CUBN: variants seen among roughly 807,000 people sequenced by gnomAD.
The protein encoded by CUBN is 460 kDa receptor.
CUBN carries 282 observed loss-of-function variants against 405.3 expected under a neutral mutation model. The observed-to-expected ratio is 0.70, with a 90% confidence interval of 0.63 to 0.77. The LOEUF is 0.77. Ranked by LOEUF, CUBN falls within the 30% of genes least tolerant of loss-of-function variation. CUBN has a pLI of 0.00. For synonymous variants in CUBN, 1,684 were observed against 1,617.0 expected (o/e 1.04, Z -0.99); for missense variants, 4,514 against 4,475.2 (o/e 1.01, Z -0.25).
intron 27 of CUBN, among the ~76,000 whole-genome samples, chr10:17,032,397 C>T (rs1030800261): frequency 2.0e-5 from 3 of 152,150 alleles, no homozygotes; most frequent in Admixed American, 2.0e-4. Context: ...GACTCCAGAG[C>T]CCACACTGTA....
Position 16,840,434 on chromosome 10 carries a change from T to C in CUBN, c.9928A>G (p.Ile3310Val), listed in dbSNP as rs1001740365. The change falls in exon 62 of 67, where the codon ATT becomes GTT. Residue 3310 changes from isoleucine to valine, a missense_variant. By Grantham distance (29) the Ile-to-Val change is conservative. This residue lies in a region of CUBN where 1,186 missense variants were observed against 1,186.9 expected (regional missense o/e 1.00). Transcript: ENST00000377833. The stretch of plus-strand genomic sequence containing the variant: ...ACCTGCTGATGCGGAGGGGAATCAA[T>C]GACCCAAGTACAGATGGAAAATGGG... Reference protein sequence around the residue: ...DVPFSICTWVIDSPPHQQVKI... With the variant: ...DVPFSICTWVVDSPPHQQVKI... 1.2e-6 allele frequency: 2 copies of C among 1,614,114 alleles called. No homozygotes were observed. The highest frequency in any genetic ancestry group is 1.7e-6 in the Non-Finnish European group (2 of 1,180,012).
In CUBN at chr10:16,869,670, T is replaced by C; in HGVS notation, c.9420A>G (p.Ala3140=). ...LVFKTDSFQT[A]KGWKMSFRQT... ...GCCGGAAAGACATCTTCCAGCCTTTTGCTGTCTGAAATGAATCTGTCTTGA... is the reference window on the plus strand; with the variant it reads ...GCCGGAAAGACATCTTCCAGCCTTTCGCTGTCTGAAATGAATCTGTCTTGA... Residue 3140 remains alanine (A), a synonymous_variant, in exon 59 of 67, where the codon GCA becomes GCG. Coordinates refer to ENST00000377833, the MANE Select transcript of CUBN (RefSeq NM_001081.4). The C allele has an allele frequency of 1.2e-6, 2 of 1,614,002 alleles. No homozygotes were observed. The highest frequency in any genetic ancestry group is 1.7e-6 in the Non-Finnish European group (2 of 1,179,952).
chr10:17,038,643 C>T (rs572202888), intron 27 of CUBN, among the ~76,000 whole-genome samples: 3 of 152,212 alleles, frequency 2.0e-5, no homozygotes, highest in Non-Finnish European at 4.4e-5. Context: ...GCTGAAAAAA[C>T]CCAGAAGCGA....
At chr10:17,008,985 C>T (rs756151500) in intron 28 of CUBN, among the ~76,000 whole-genome samples, 9 of 152,180 alleles carry the variant, frequency 5.9e-5, no homozygotes, top group African/African-American at 1.9e-4. Flanking sequence ...TCAAAAATGG[C>T]GGGACCTCTC....
intron 66 of CUBN, among the ~76,000 whole-genome samples, chr10:16,826,524 T>C (rs12263128): frequency 0.046 from 7,012 of 152,248 alleles, 517 homozygotes; most frequent in African/African-American, 0.16. Flanking sequence ...TTTTACATTT[T>C]TTCATTTATG....
Position 16,933,187 on chromosome 10 carries a change from CCACGTACA to C in CUBN, c.6016_6023del (p.Cys2006AlafsTer19). On this transcript the variant is annotated frameshift_variant, in exon 40 of 67. Coordinates refer to ENST00000377833, the MANE Select transcript of CUBN (RefSeq NM_001081.4). LOFTEE classifies it high-confidence loss of function. ...CGGTAGAGTCGGGAGCCTGGATGAG[CCACGTACA>C]GTCCACTCTATTACTGTAACTGTCA... is the stretch of plus-strand genomic sequence containing the variant. The C allele has an allele frequency of 6.2e-7, 1 of 1,614,030 alleles. No individual in the cohort carries two copies. The highest frequency in any genetic ancestry group is 8.5e-7 in the Non-Finnish European group (1 of 1,179,998).
At chr10:17,065,754 C>T in intron 21 of CUBN, 116 bp from the exon 22 acceptor site, 1 of 1,228,526 alleles carries the variant, frequency 8.1e-7, no homozygotes, top group Non-Finnish European at 1.2e-6. Flanking sequence ...TACCTCTCAT[C>T]AACCTTAAAA....
Position 17,109,773 on chromosome 10 carries a change from C to G in CUBN, c.1016-38G>C, listed in dbSNP as rs375010102. 1.4e-5 allele frequency: 22 copies of G among 1,518,844 alleles called. No homozygotes were observed. In the African/African-American group the frequency reaches 2.9e-4, roughly 20 times the overall value. 94.1% of individuals were successfully genotyped at this position (1,518,844 alleles called of 1,614,324 possible). On this transcript the variant is annotated intron_variant, in intron 9 of 66. Transcript: ENST00000377833. The stretch of plus-strand genomic sequence containing the variant: ...AGAGCCAGGTCATAAGAAACAATGT[C>G]AAGAAGATGGGAGGACAAAGCCTGT...
At chr10:16,955,207 A>G (rs1843021627) in intron 31 of CUBN, among the ~76,000 whole-genome samples, 1 of 151,680 alleles carries the variant, frequency 6.6e-6, no homozygotes, top group Non-Finnish European at 1.5e-5. Context: ...CCCCGTCTCT[A>G]ATAAAAAATA....
rs770858500 is a variant in CUBN, at chr10:16,941,081, T to C, written c.5343-844A>G. Among the ~76,000 whole-genome samples the C allele has an allele frequency of 2.0e-5, 3 of 152,206 alleles. No individual in the cohort carries two copies. In the East Asian group the frequency reaches 5.8e-4, roughly 29 times the overall value. On this transcript the variant is annotated intron_variant, in intron 36 of 66. Coordinates refer to ENST00000377833, the MANE Select transcript of CUBN (RefSeq NM_001081.4). ...AGAGTCTGGAACATGTAGGTGCTAG[T>C]TGAGTACTTTCAAAACTTGGCCTTA...
Position 17,104,599 on chromosome 10 carries a change from C to T in CUBN, c.1237G>A (p.Val413Ile). 6.2e-7 allele frequency: 1 copy of T among 1,612,602 alleles called. No homozygotes were observed. ...PCLNGQCIDT[V>I]SGYFCKCDSG... Reference sequence around the variant, plus strand: ...TCACACTTACAAAAATAACCAGAGACAGTGTCCTAAGGGGAAAAAAAACAC... The same window carrying T: ...TCACACTTACAAAAATAACCAGAGATAGTGTCCTAAGGGGAAAAAAAACAC... The change falls in exon 12 of 67, where the codon GTC becomes ATC. Residue 413 changes from valine to isoleucine, a missense_variant. By Grantham distance (29) the Val-to-Ile change is conservative (BLOSUM62 3). This residue lies in a region of CUBN where 1,448 missense variants were observed against 1,388.0 expected (regional missense o/e 1.04). Coordinates refer to ENST00000377833, the MANE Select transcript of CUBN (RefSeq NM_001081.4).
At chr10:16,851,087 T>C (rs891748964) in intron 60 of CUBN, 148 bp downstream of exon 60, 9 of 661,144 alleles carry the variant, frequency 1.4e-5, no homozygotes, top group African/African-American at 1.3e-4. Context: ...TAATATTAAA[T>C]GTAGCATCAC....
intron 60 of CUBN, among the ~76,000 whole-genome samples, chr10:16,843,990 C>G (rs1031439215): frequency 6.6e-6 from 1 of 152,100 alleles, no homozygotes; most frequent in Non-Finnish European, 1.5e-5. Flanking sequence ...TCCAGACCTG[C>G]GGGGCGTGGT....
chr10:16,981,241 G>A (rs1280515668), intron 31 of CUBN, among the ~76,000 whole-genome samples: 1 of 148,368 alleles, frequency 6.7e-6, no homozygotes, highest in African/African-American at 2.4e-5. Flanking sequence ...GGAGAAGAAG[G>A]AGCTGGACAT....
At chr10:16,836,112 G>T in intron 63 of CUBN, 123 bp downstream of exon 63, 1 of 963,318 alleles carries the variant, frequency 1.0e-6, no homozygotes, top group Non-Finnish European at 1.6e-6. Context: ...AGAGGGATGT[G>T]GTTTTTGTTA....
intron 31 of CUBN, among the ~76,000 whole-genome samples, chr10:16,966,504 A>G (rs1843396670): frequency 6.6e-6 from 1 of 151,542 alleles, no homozygotes; most frequent in Non-Finnish European, 1.5e-5. Context: ...AATGGAGTGC[A>G]GTGGTGCAAT....
intron 19 of CUBN, among the ~76,000 whole-genome samples, chr10:17,069,684 C>T (rs903195696): frequency 1.3e-5 from 2 of 152,150 alleles, no homozygotes; most frequent in Admixed American, 6.6e-5. Context: ...GCTGAGGCTA[C>T]AGGCGTGTAT....
At chr10:16,890,634 T>C in intron 54 of CUBN, 107 bp from the exon 55 acceptor site, 1 of 1,094,062 alleles carries the variant, frequency 9.1e-7, no homozygotes, top group East Asian at 2.4e-5. Context: ...GAACTAAGCA[T>C]AAGAGTAAAC....
intron 43 of CUBN, among the ~76,000 whole-genome samples, chr10:16,921,592 C>A (rs2131470751): frequency 6.6e-6 from 1 of 152,324 alleles, no homozygotes; most frequent in Non-Finnish European, 1.5e-5. Flanking sequence ...CACTGTTCTT[C>A]TTTACATTTT....
Sources: gnomAD v4.1 joint callset for allele counts (sites outside exome capture counted in the v4.1 genomes callset) on GRCh38, gnomAD v4.1.1 for gene constraint, gnomAD v4.1.1 regional missense constraint, MANE v1.5 for transcripts, NCBI Gene and HGNC (gene_info 2026-07-23, HGNC 2026-07-21) for gene names.